FUBP3: variants seen among roughly 807,000 people sequenced by gnomAD.
FUBP3 encodes far upstream element binding protein 3, also known as far upstream element-binding protein 3.
Under a neutral mutation model 85.6 loss-of-function variants are expected in FUBP3, and 28 were observed. The ratio of observed to expected loss-of-function variants is 0.33; its 90% CI spans 0.24 to 0.45. FUBP3 has a LOEUF of 0.45. Among genes scored for constraint, FUBP3 ranks in the 20% least tolerant of loss-of-function variants. The pLI, the probability that FUBP3 is intolerant of heterozygous loss-of-function variation, is 1.00. For missense variants in FUBP3, 583 were observed against 755.1 expected, an observed-to-expected ratio of 0.77 and a Z score of 2.67; for synonymous variants, 271 against 271.4, an observed-to-expected ratio of 1.00 and a Z score of 0.01.
In FUBP3 at chr9:130,628,102, GCGCA is replaced by G. The variant is rs1564223027; in HGVS notation, c.1117+1599_1117+1602del. 8.3e-3 allele frequency among the ~76,000 whole-genome samples: 721 copies of G among 87,322 alleles called. 8 individuals carry two copies. The highest frequency in any genetic ancestry group is 0.06 in the East Asian group (176 of 2,920). 57.3% of individuals were successfully genotyped at this position (87,322 alleles called of 152,430 possible). ...TAAACACACGCACGCACGCACGCAC[GCGCA>G]CACACACACACACACACACACCCCC... On this transcript the variant is annotated intron_variant, in intron 12 of 18. Transcript: ENST00000319725.
intron 10 of FUBP3, among the ~76,000 whole-genome samples, chr9:130,623,180 C>G (rs1049745768): frequency 6.6e-6 from 1 of 152,028 alleles, no homozygotes; most frequent in Non-Finnish European, 1.5e-5. Flanking sequence ...AAACCACACA[C>G]AAAGACAAAA....
chr9:130,624,791 G>C (rs1390833356), intron 11 of FUBP3, among the ~76,000 whole-genome samples: 2 of 152,076 alleles, frequency 1.3e-5, no homozygotes, highest in Non-Finnish European at 2.9e-5. Context: ...TTTGTAGCAA[G>C]AGTTTATGAA....
intron 2 of FUBP3, 46 bp downstream of exon 2, chr9:130,595,634 G>A: frequency 3.5e-6 from 3 of 851,922 alleles, no homozygotes; most frequent in Non-Finnish European, 6.2e-6. Context: ...TAGTGAACCT[G>A]CCAGTTAAGT....
intron 16 of FUBP3, among the ~76,000 whole-genome samples, chr9:130,634,189 T>C (rs1336822364): frequency 2.0e-5 from 3 of 152,188 alleles, no homozygotes; most frequent in African/African-American, 7.2e-5. Context: ...CCTTTCCCTC[T>C]GCCCTACCCC....
intron 1 of FUBP3, among the ~76,000 whole-genome samples, chr9:130,584,887 G>A (rs1830278343): frequency 6.6e-6 from 1 of 151,362 alleles, no homozygotes; most frequent in African/African-American, 2.4e-5. Context: ...TTTCGGTCAG[G>A]CACTGTGGCT....
At position 130,579,725 on chromosome 9, in the gene FUBP3, G is replaced by A. The variant is rs1029472082; in HGVS notation, c.45G>A (p.Lys15=). Residue 15 remains lysine (K), a synonymous_variant, in exon 1 of 19, where the codon AAG becomes AAA. Coordinates refer to ENST00000319725, the MANE Select transcript of FUBP3 (RefSeq NM_003934.2). ...GGCAGAGCGCTCCTGTGGGGATGAA[G>A]GCCGAGGGCTTCGTGGATGCCCTGC... ...VQGQSAPVGM[K]AEGFVDALHR... is the part of the protein sequence containing the mutation. The A allele has an allele frequency of 2.5e-5, 32 of 1,278,800 alleles. No individual in the cohort carries two copies. In the African/African-American group the frequency reaches 4.4e-4, roughly 18 times the overall value. 79.2% of individuals were successfully genotyped at this position (1,278,800 alleles called of 1,614,324 possible). A position where few individuals can be genotyped will look rare whatever the true frequency, so the allele number is the denominator to read the frequency against.
chr9:130,611,608 A>G (rs1223917364), intron 3 of FUBP3, among the ~76,000 whole-genome samples: 2 of 152,044 alleles, frequency 1.3e-5, no homozygotes, highest in Non-Finnish European at 2.9e-5. Flanking sequence ...TGTGATGGGT[A>G]AAAACCCAGC....
chr9:130,634,584 A>G (rs1830344537), intron 16 of FUBP3, 83 bp from the exon 17 acceptor site: 1 of 1,097,448 alleles, frequency 9.1e-7, no homozygotes, highest in Non-Finnish European at 1.3e-6. Context: ...GGAGGAGTGC[A>G]GGGCAGGGCC....
intron 13 of FUBP3, 22 bp downstream of exon 13, chr9:130,630,810 C>T (rs745894899): frequency 6.9e-6 from 10 of 1,444,570 alleles, no homozygotes; most frequent in South Asian, 1.5e-5. Flanking sequence ...GTCCTTCCCC[C>T]ACCTGGTTTA....
Position 130,638,257 on chromosome 9 carries a change from G to A in FUBP3, c.*1235G>A, listed in dbSNP as rs1212209976. 1.3e-5 allele frequency: 2 copies of A among 152,584 alleles called. No homozygotes were observed. The highest frequency in any genetic ancestry group is 2.9e-5 in the Non-Finnish European group (2 of 68,034). 9.5% of individuals were successfully genotyped at this position (152,584 alleles called of 1,614,324 possible). On this transcript the variant is annotated 3_prime_UTR_variant, in exon 19 of 19. Coordinates refer to ENST00000319725, the MANE Select transcript of FUBP3 (RefSeq NM_003934.2). ...ACAATTGGAAAATGTTATGCATGGG[G>A]TTTTTAAGAAAACAAAGTGTTCTTT...
intron 12 of FUBP3, among the ~76,000 whole-genome samples, chr9:130,628,078 AAAC>A (rs2119115476): frequency 7.8e-6 from 1 of 127,574 alleles, no homozygotes; most frequent in South Asian, 2.6e-4. Context: ...ACACCGCACT[AAAC>A]ACACGCACGC....
chr9:130,632,029 G>T lies in FUBP3; in HGVS notation c.1433+7G>T, dbSNP rs895463612. ...CCCACAGCACCCCTGTGAGGTAGGT[G>T]ACCTGCTGTGACTCAGTTGGGGACA... On this transcript the variant is annotated splice_region_variant and intron_variant, in intron 15 of 18. Coordinates refer to ENST00000319725, the MANE Select transcript of FUBP3 (RefSeq NM_003934.2). 6.3e-7 allele frequency: 1 copy of T among 1,598,482 alleles called. No homozygotes were observed. Among genetic ancestry groups the T allele is most frequent in the Admixed American group, 1.7e-5 (1 of 60,006 alleles).
At chr9:130,586,054 A>G (rs922398287) in intron 1 of FUBP3, among the ~76,000 whole-genome samples, 1 of 152,200 alleles carries the variant, frequency 6.6e-6, no homozygotes, top group Non-Finnish European at 1.5e-5. Context: ...GCTGGAATGC[A>G]GTGGCACGAT....
At chr9:130,580,660 A>C (rs1421301936) in intron 1 of FUBP3, 1 of 152,170 alleles carries the variant, frequency 6.6e-6, no homozygotes, top group Non-Finnish European at 1.5e-5. Context: ...TCCTAACAGA[A>C]AGCCACAGGA....
At chr9:130,598,290 G>A (rs572229628) in intron 2 of FUBP3, among the ~76,000 whole-genome samples, 40 of 152,328 alleles carry the variant, frequency 2.6e-4, no homozygotes, top group Admixed American at 5.2e-4. Context: ...TGCAGAGGAC[G>A]CAGCAGATAC....
intron 8 of FUBP3, 116 bp downstream of exon 8, chr9:130,618,011 G>A (rs1241008749): frequency 1.7e-6 from 1 of 590,046 alleles, no homozygotes; most frequent in Non-Finnish European, 3.1e-6. Context: ...GTTATTGAAG[G>A]TAAACTGTTC....
At chr9:130,614,749 G>A (rs915734382) in intron 6 of FUBP3, among the ~76,000 whole-genome samples, 2 of 152,144 alleles carry the variant, frequency 1.3e-5, no homozygotes, top group Non-Finnish European at 2.9e-5. Flanking sequence ...GGCTGATCCC[G>A]TTACCCTTCT....
At chr9:130,622,379 C>T (rs1021432106) in intron 9 of FUBP3, among the ~76,000 whole-genome samples, 59 of 148,744 alleles carry the variant, frequency 4.0e-4, no homozygotes, top group African/African-American at 1.4e-3. Flanking sequence ...CGCCTGTAAT[C>T]CCAGCCCTTT....
At chr9:130,581,016 T>C (rs552907417) in intron 1 of FUBP3, 1 of 152,356 alleles carries the variant, frequency 6.6e-6, no homozygotes, top group East Asian at 1.9e-4. Context: ...GTTACAGTGC[T>C]CTCCTCTACA....
Sources: allele counts gnomAD v4.1 joint callset (sites outside exome capture counted in the v4.1 genomes callset), GRCh38; gene constraint gnomAD v4.1.1; transcripts MANE v1.5; gene names NCBI Gene and HGNC (gene_info 2026-07-23, HGNC 2026-07-21).